CR1L: variants seen among roughly 807,000 people sequenced by gnomAD.
CR1L encodes complement C3b/C4b receptor 1 like, also known as complement component receptor 1-like protein.
A neutral mutation model predicts 62.3 loss-of-function variants in CR1L; 59 were observed. The observed-to-expected ratio is 0.95, with a 90% confidence interval of 0.77 to 1.18. The LOEUF (loss-of-function observed/expected upper bound fraction) is 1.18, where lower values mean the gene tolerates loss of function less well. Ranked by LOEUF, CR1L falls within the 50% of genes most tolerant of loss-of-function variation. CR1L has a pLI of 0.00. For missense variants in CR1L, 700 were observed against 702.8 expected (o/e 1.00, Z 0.04); for synonymous variants, 279 against 248.7 (o/e 1.12, Z -1.15).
In CR1L at chr1:207,677,392, A is replaced by G. The variant is rs759674020; in HGVS notation, c.101A>G (p.Gln34Arg). The G allele has an allele frequency of 6.9e-6, 11 of 1,603,970 alleles. No homozygotes were observed. The highest frequency in any genetic ancestry group is 9.4e-6 in the Non-Finnish European group (11 of 1,175,296). The change falls in exon 2 of 12, where the codon CAA (glutamine) becomes CGA (arginine). Residue 34 changes from glutamine (Q) to arginine (R), a missense_variant. Coordinates refer to ENST00000508064, the MANE Select transcript of CR1L (RefSeq NM_175710.2). ...LVLLLSSFSD[Q>R]CNVPEWLPFA... ...CTGCTGTGGTCTTGATCCCCAGATC[A>G]ATGCAATGTCCCGGAATGGCTTCCA...
chr1:207,697,440 GT>G, intron 5 of CR1L, 62 bp from the exon 6 acceptor site: 1 of 1,612,428 alleles, frequency 6.2e-7, no homozygotes, highest in Middle Eastern at 2.0e-4. Context: ...CCCTTGGCCA[GT>G]TTAACAGTGA....
chr1:207,713,779 C>T (rs1161574006), intron 10 of CR1L, among the ~76,000 whole-genome samples: 1 of 152,382 alleles, frequency 6.6e-6, no homozygotes, highest in Non-Finnish European at 1.5e-5. Flanking sequence ...GGGGGTGTAA[C>T]AGCATGGTAA....
intron 7 of CR1L, among the ~76,000 whole-genome samples, chr1:207,698,640 T>C (rs1284383578): frequency 1.3e-5 from 2 of 152,110 alleles, no homozygotes; most frequent in Non-Finnish European, 2.9e-5. Context: ...TTTTCAACAA[T>C]TGCGTACAAA....
chr1:207,714,532 C>G (rs142071378), intron 10 of CR1L, among the ~76,000 whole-genome samples: 2 of 152,266 alleles, frequency 1.3e-5, no homozygotes, highest in African/African-American at 4.8e-5. Flanking sequence ...CCTGCTTCTA[C>G]CACTGTCAAG....
At chr1:207,688,382 GT>G (rs1226458428) in intron 4 of CR1L, among the ~76,000 whole-genome samples, 1 of 152,076 alleles carries the variant, frequency 6.6e-6, no homozygotes, top group Non-Finnish European at 1.5e-5. Context: ...TGTTCCACTG[GT>G]TTATTTGCCA....
rs781270454 is a variant in CR1L, at chr1:207,701,606, C to T, written c.1316C>T (p.Ser439Phe). The T allele has an allele frequency of 3.1e-6, 5 of 1,613,760 alleles. No individual in the cohort carries two copies. Among genetic ancestry groups the T allele is most frequent in the Non-Finnish European group, 4.2e-6 (5 of 1,179,730 alleles). ...CATGTTGGATCCAGAATCAACTATT[C>T]TTGTACTACAGGGTGAGTTGGCAGC... The part of the protein sequence containing the change: ...DIHVGSRINY[S>F]CTTGHRLIGH... Residue 439 changes from serine to phenylalanine, a missense_variant, in exon 9 of 12, where the codon TCT becomes TTT. Transcript: ENST00000508064.
intron 1 of CR1L, among the ~76,000 whole-genome samples, chr1:207,665,730 G>A (rs1663511859): frequency 1.3e-5 from 2 of 152,300 alleles, no homozygotes; most frequent in Admixed American, 1.3e-4. Flanking sequence ...TATGATAAGT[G>A]ACATGATCAC....
At chr1:207,701,875 A>G (rs1310131819) in intron 9 of CR1L, 2 of 635,356 alleles carry the variant, frequency 3.1e-6, no homozygotes, top group Non-Finnish European at 5.9e-6. Flanking sequence ...TTAGGAGTAT[A>G]GTAGTCAAAG....
At chr1:207,646,791 G>A in intron 1 of CR1L, among the ~76,000 whole-genome samples, 1 of 146,620 alleles carries the variant, frequency 6.8e-6, no homozygotes, top group East Asian at 2.0e-4. Context: ...CAAAATAAAA[G>A]GACAACTGTT....
At position 207,676,300 on chromosome 1, in the gene CR1L, G is replaced by A. The variant is rs147547930; in HGVS notation, c.98-1089G>A. ...TTCTAAGGCATGTTTTAAAGCAGGTGTCCTCAACCCCTGGGGCATAAACCG... is the reference window on the plus strand; with the variant it reads ...TTCTAAGGCATGTTTTAAAGCAGGTATCCTCAACCCCTGGGGCATAAACCG... On this transcript the variant is annotated intron_variant, in intron 1 of 11. Transcript: ENST00000508064. Among the ~76,000 whole-genome samples, 626 of 152,116 alleles carry A rather than the reference G, an allele frequency of 4.1e-3. 5 individuals carry two copies. The highest frequency in any genetic ancestry group is 7.0e-3 in the Non-Finnish European group (476 of 67,994).
intron 1 of CR1L, chr1:207,669,675 A>C (rs1663579957): frequency 1.5e-6 from 1 of 660,092 alleles, no homozygotes; most frequent in Non-Finnish European, 2.4e-6. Context: ...CCCGGGTCCA[A>C]AGGCAGCGCG....
intron 1 of CR1L, chr1:207,669,332 C>T (rs1422462984): frequency 5.7e-6 from 4 of 701,534 alleles, no homozygotes; most frequent in African/African-American, 1.9e-5. Flanking sequence ...GCAGCCCTCC[C>T]CATGCTCTGG....
chr1:207,714,817 C>A (rs1237603437), intron 10 of CR1L, among the ~76,000 whole-genome samples: 1 of 152,134 alleles, frequency 6.6e-6, no homozygotes, highest in Non-Finnish European at 1.5e-5. Flanking sequence ...GTTCAGCATG[C>A]TTCTGTGAGC....
chr1:207,683,813 T>C (rs12411037), intron 3 of CR1L, 59 bp from the exon 4 acceptor site: 573,738 of 1,482,108 alleles, frequency 0.39, 114,048 homozygotes, highest in Non-Finnish European at 0.41. Flanking sequence ...AAGTAGTAAT[T>C]TAATTGGGTA....
chr1:207,683,496 A>G (rs867424919), intron 3 of CR1L, among the ~76,000 whole-genome samples: 6 of 152,180 alleles, frequency 3.9e-5, no homozygotes, highest in African/African-American at 1.4e-4. Context: ...AATACTTATA[A>G]GGCATAGAAA....
intron 9 of CR1L, among the ~76,000 whole-genome samples, chr1:207,704,149 G>A (rs1664235150): frequency 1.3e-5 from 2 of 152,180 alleles, no homozygotes; most frequent in Admixed American, 1.3e-4. Context: ...ACAGGAGTTT[G>A]GTAGAAGTTG....
chr1:207,678,212 A>C lies in CR1L; in HGVS notation c.292A>C (p.Asn98His). 6.2e-7 allele frequency: 1 copy of C among 1,613,664 alleles called. No individual in the cohort carries two copies. Among genetic ancestry groups the C allele is most frequent in the Non-Finnish European group, 8.5e-7 (1 of 1,179,620 alleles). ...CTTTCCTGTAGGTAAATCATGTCGT[A>C]ATCCTCCAGATCCTGTGAATGGCAT... The part of the protein sequence containing the change: ...KDKCKRKSCR[N>H]PPDPVNGMAH... Residue 98 changes from asparagine to histidine, a missense_variant, in exon 3 of 12, where the codon AAT becomes CAT. By Grantham distance (68) the Asn-to-His change is moderately conservative. Coordinates refer to ENST00000508064, the MANE Select transcript of CR1L (RefSeq NM_175710.2).
rs1043270801 is a variant in CR1L at position 207,668,600 on chromosome 1, T to C, written c.98-8789T>C. ...TAAGAATAAATTCATCCTTGAATAC[T>C]TAACCCTCTGCCCTACATCTGTCAC... On this transcript the variant is annotated intron_variant, in intron 1 of 11. Transcript: ENST00000508064. Among the ~76,000 whole-genome samples, 8 of 151,028 alleles carry C rather than the reference T, an allele frequency of 5.3e-5. 1 individual carries two copies. Among genetic ancestry groups the C allele is most frequent in the African/African-American group, 1.7e-4 (7 of 40,322 alleles).
chr1:207,712,412 A>G (rs2102480449), intron 10 of CR1L, among the ~76,000 whole-genome samples: 1 of 152,254 alleles, frequency 6.6e-6, no homozygotes, highest in East Asian at 1.9e-4. Context: ...TGCTAGGGAG[A>G]ATTGTGTTCT....
Sources: gnomAD v4.1 joint callset for allele counts (sites outside exome capture counted in the v4.1 genomes callset) on GRCh38, gnomAD v4.1.1 for gene constraint, MANE v1.5 for transcripts, NCBI Gene and HGNC (gene_info 2026-07-23, HGNC 2026-07-21) for gene names.